The following GMCL1 variants were observed in gnomAD, a reference collection of about 807,000 sequenced individuals.
GMCL1 encodes germ cell-less protein-like 1.
Under a neutral mutation model 75.5 loss-of-function variants are expected in GMCL1, and 54 were observed. That is an observed-to-expected ratio of 0.71 (90% CI 0.57 to 0.90). The LOEUF is 0.90. Ranked by LOEUF, GMCL1 falls within the 40% of genes least tolerant of loss-of-function variation. GMCL1 has a pLI of 0.00. For synonymous variants in GMCL1, 210 were observed against 209.6 expected (o/e 1.00, Z -0.02); for missense variants, 537 against 622.7 (o/e 0.86, Z 1.47).
At chr2:69,837,795 C>A (rs1377996) in intron 2 of GMCL1, 125 bp downstream of exon 2, 245,792 of 1,131,830 alleles carry the variant, frequency 0.22, 30,787 homozygotes, top group African/African-American at 0.44. Context: ...CTCATTTGAT[C>A]AGTCTGTAAG....
intron 4 of GMCL1, 63 bp downstream of exon 4, chr2:69,841,102 T>C: frequency 8.9e-7 from 1 of 1,117,402 alleles, no homozygotes; most frequent in East Asian, 2.4e-5. Context: ...AAGTGTGTAC[T>C]CCAAAAACAA....
intron 8 of GMCL1, among the ~76,000 whole-genome samples, chr2:69,853,488 G>A (rs949259999): frequency 1.3e-5 from 2 of 152,108 alleles, no homozygotes; most frequent in African/African-American, 2.4e-5. Context: ...AACACCTTCT[G>A]GTCTACAGAA....
intron 1 of GMCL1, among the ~76,000 whole-genome samples, chr2:69,835,338 T>C (rs995107335): frequency 1.3e-5 from 2 of 152,150 alleles, no homozygotes; most frequent in African/African-American, 4.8e-5. Flanking sequence ...GGGGTAAATA[T>C]AATAATCTCA....
intron 9 of GMCL1, among the ~76,000 whole-genome samples, chr2:69,856,729 A>G (rs1379824626): frequency 6.9e-6 from 1 of 145,174 alleles, no homozygotes; most frequent in East Asian, 2.0e-4. Flanking sequence ...CACCCTACTA[A>G]TATAGGGCCA....
intron 13 of GMCL1, among the ~76,000 whole-genome samples, chr2:69,872,534 G>A (rs1029223843): frequency 3.9e-5 from 6 of 152,188 alleles, no homozygotes; most frequent in South Asian, 2.1e-4. Context: ...GTTTTCCTCA[G>A]ACTGAAGAGA....
intron 10 of GMCL1, among the ~76,000 whole-genome samples, chr2:69,862,409 A>T (rs567389733): frequency 3.9e-5 from 6 of 152,244 alleles, no homozygotes; most frequent in African/African-American, 1.4e-4. Context: ...TACTTTGATT[A>T]TAATTATATA....
At chr2:69,860,218 T>A (rs923666463) in intron 9 of GMCL1, among the ~76,000 whole-genome samples, 2 of 152,088 alleles carry the variant, frequency 1.3e-5, no homozygotes. Flanking sequence ...CTAGAACTCC[T>A]GGGCTCAAGT....
chr2:69,868,496 A>G (rs923999496), intron 11 of GMCL1, among the ~76,000 whole-genome samples: 1 of 152,136 alleles, frequency 6.6e-6, no homozygotes, highest in African/African-American at 2.4e-5. Flanking sequence ...CGTGAACCCC[A>G]TGATGATATT....
At chr2:69,866,249 GAA>G (rs57495632) in intron 11 of GMCL1, among the ~76,000 whole-genome samples, 1,493 of 133,298 alleles carry the variant, frequency 0.011, 35 homozygotes, top group African/African-American at 0.035. Context: ...TCCATCTCAA[GAA>G]AAAAAAAAAA....
chr2:69,854,751 C>T, intron 8 of GMCL1, 72 bp from the exon 9 acceptor site: 1 of 1,254,900 alleles, frequency 8.0e-7, no homozygotes, highest in Non-Finnish European at 1.1e-6. Context: ...GTACGTATCC[C>T]CCGTCCACAA....
chr2:69,834,802 C>T (rs1035461640), intron 1 of GMCL1, among the ~76,000 whole-genome samples: 1 of 151,894 alleles, frequency 6.6e-6, no homozygotes, highest in Non-Finnish European at 1.5e-5. Flanking sequence ...AATTTCCTTT[C>T]GCTTCTTATC....
At chr2:69,862,293 T>A (rs1018058072) in intron 10 of GMCL1, among the ~76,000 whole-genome samples, 23 of 152,200 alleles carry the variant, frequency 1.5e-4, no homozygotes, top group Non-Finnish European at 2.9e-4. Context: ...ATAATTTTTT[T>A]AAATAATGAC....
At chr2:69,857,727 G>A (rs999125733) in intron 9 of GMCL1, among the ~76,000 whole-genome samples, 3 of 152,068 alleles carry the variant, frequency 2.0e-5, no homozygotes, top group Non-Finnish European at 4.4e-5. Context: ...TTTTTACTAT[G>A]TAAATGTTTA....
At chr2:69,877,957 C>G (rs975161886) in intron 13 of GMCL1, among the ~76,000 whole-genome samples, 20 of 152,246 alleles carry the variant, frequency 1.3e-4, no homozygotes, top group African/African-American at 4.8e-4. Context: ...CATACTATTG[C>G]AGAGAGCATA....
chr2:69,869,946 T>C, intron 12 of GMCL1, 82 bp downstream of exon 12: 1 of 1,396,404 alleles, frequency 7.2e-7, no homozygotes, highest in Non-Finnish European at 9.8e-7. Flanking sequence ...TACACCAACA[T>C]TAGTAGAACT....
intron 13 of GMCL1, 70 bp from the exon 14 acceptor site, chr2:69,878,839 C>T (rs912779446): frequency 8.3e-5 from 84 of 1,017,460 alleles, no homozygotes; most frequent in Non-Finnish European, 1.2e-4. Context: ...TTGGTTCACT[C>T]AGTTCAACAG....
chr2:69,852,822 A>T (rs1675358335), intron 8 of GMCL1, among the ~76,000 whole-genome samples: 1 of 152,148 alleles, frequency 6.6e-6, no homozygotes, highest in South Asian at 2.1e-4. Context: ...TACAGGCATG[A>T]GCCACCACAC....
intron 1 of GMCL1, 23 bp downstream of exon 1, chr2:69,830,175 G>A (rs763417526): frequency 6.5e-7 from 1 of 1,547,212 alleles, no homozygotes; most frequent in East Asian, 2.4e-5. Context: ...ACGCACCCGC[G>A]CGGACCCGGA....
chr2:69,839,931 T>C (rs894027571), intron 3 of GMCL1: 1 of 158,928 alleles, frequency 6.3e-6, no homozygotes, highest in African/African-American at 2.4e-5. Context: ...AAAAATATTG[T>C]TTTAGAGCTA....
Sources: allele counts gnomAD v4.1 joint callset (sites outside exome capture counted in the v4.1 genomes callset), GRCh38; gene constraint gnomAD v4.1.1; transcripts MANE v1.5; gene names NCBI Gene and HGNC (gene_info 2026-07-23, HGNC 2026-07-21).